SSBP2: variants seen among roughly 807,000 people sequenced by gnomAD.
SSBP2 encodes the protein single-stranded DNA-binding protein 2.
In SSBP2, 17 loss-of-function variants were observed where a neutral mutation model predicts 61.8. That is an observed-to-expected ratio of 0.28 (90% CI 0.19 to 0.41). SSBP2 has a LOEUF of 0.41. Among genes scored for constraint, SSBP2 ranks in the 10% least tolerant of loss-of-function variants. The pLI is 1.00. For synonymous variants in SSBP2, 139 were observed against 141.3 expected (o/e 0.98, Z 0.12); for missense variants, 310 against 458.7 (o/e 0.68, Z 2.96).
intron 4 of SSBP2, among the ~76,000 whole-genome samples, chr5:81,573,029 T>C (rs529898686): frequency 2.6e-5 from 4 of 152,214 alleles, no homozygotes; most frequent in Admixed American, 6.5e-5. Flanking sequence ...TATTGAAATA[T>C]CTTTTGTCTT....
chr5:81,512,146 A>G (rs960796054), intron 5 of SSBP2, among the ~76,000 whole-genome samples: 1 of 152,210 alleles, frequency 6.6e-6, no homozygotes, highest in African/African-American at 2.4e-5. Context: ...AAGAGAAAGA[A>G]GGGAATGAGG....
chr5:81,599,113 T>G (rs985532678), intron 4 of SSBP2, among the ~76,000 whole-genome samples: 1 of 152,152 alleles, frequency 6.6e-6, no homozygotes, highest in Non-Finnish European at 1.5e-5. Context: ...TGGGGATGTA[T>G]AGCAAAAGGA....
At chr5:81,437,363 T>TTA in intron 15 of SSBP2, 67 bp downstream of exon 15, 1 of 1,454,588 alleles carries the variant, frequency 6.9e-7, no homozygotes, top group South Asian at 1.3e-5. Context: ...TTTACTCTAA[T>TTA]AATTTTAATG....
intron 15 of SSBP2, among the ~76,000 whole-genome samples, chr5:81,430,885 T>C (rs1311944106): frequency 6.6e-6 from 1 of 152,188 alleles, no homozygotes; most frequent in Admixed American, 6.5e-5. Context: ...GATAGGACAA[T>C]TGGGTTTTTT....
At chr5:81,560,221 A>T (rs1772938333) in intron 4 of SSBP2, among the ~76,000 whole-genome samples, 1 of 152,202 alleles carries the variant, frequency 6.6e-6, no homozygotes, top group Admixed American at 6.5e-5. Flanking sequence ...TTTACAAAAA[A>T]GATTGTGTTC....
intron 4 of SSBP2, among the ~76,000 whole-genome samples, chr5:81,569,562 T>G (rs901081254): frequency 1.3e-5 from 2 of 152,182 alleles, no homozygotes; most frequent in Non-Finnish European, 2.9e-5. Context: ...CCTCATGCTC[T>G]CCTATGCTGA....
intron 12 of SSBP2, 75 bp from the exon 13 acceptor site, chr5:81,442,798 G>C (rs2153963071): frequency 2.6e-6 from 2 of 781,882 alleles, no homozygotes; most frequent in South Asian, 3.7e-5. Context: ...AATGATCAAA[G>C]ATGGTTTGCA....
intron 6 of SSBP2, among the ~76,000 whole-genome samples, chr5:81,481,371 C>T (rs1451638938): frequency 6.6e-6 from 1 of 152,042 alleles, no homozygotes; most frequent in Non-Finnish European, 1.5e-5. Context: ...CCTGTAATCT[C>T]AACACTTTGG....
chr5:81,445,138 TTATATATATATATATATATA>T lies in SSBP2; in HGVS notation c.778+1710_778+1729del, dbSNP rs1160080305. Among the ~76,000 whole-genome samples, 30 of 33,888 alleles carry T rather than the reference TTATATATATATATATATATA, an allele frequency of 8.9e-4. 2 individuals carry two copies. Among genetic ancestry groups the T allele is most frequent in the Non-Finnish European group, 1.4e-3 (27 of 18,942 alleles). 22.2% of individuals were successfully genotyped at this position (33,888 alleles called of 152,430 possible). A position where few individuals can be genotyped will look rare whatever the true frequency, so the allele number is the denominator to read the frequency against. On this transcript the variant is annotated intron_variant, in intron 12 of 16. Coordinates refer to ENST00000320672, the MANE Select transcript of SSBP2 (RefSeq NM_012446.5). ...TGTCTCAGCAAAGAAAAAAAAAATT[TTATATATATATATATATATA>T]TATATATATATATATATATGTATGT...
chr5:81,691,141 C>G (rs1206775142), intron 1 of SSBP2, among the ~76,000 whole-genome samples: 1 of 151,906 alleles, frequency 6.6e-6, no homozygotes, highest in Non-Finnish European at 1.5e-5. Flanking sequence ...AATAAACAAT[C>G]TAACAATGCA....
intron 2 of SSBP2, among the ~76,000 whole-genome samples, chr5:81,641,157 C>T (rs1435171670): frequency 3.0e-4 from 45 of 152,182 alleles, no homozygotes; most frequent in Non-Finnish European, 2.9e-5. Context: ...ACCCACTGCC[C>T]CTCATCCTTA....
chr5:81,558,592 A>G (rs1772787304), intron 4 of SSBP2, among the ~76,000 whole-genome samples: 2 of 152,254 alleles, frequency 1.3e-5, no homozygotes, highest in Non-Finnish European at 2.9e-5. Flanking sequence ...TGTGTCATCA[A>G]TGCCTCAAGA....
At chr5:81,692,752 G>T (rs142698326) in intron 1 of SSBP2, among the ~76,000 whole-genome samples, 1 of 151,066 alleles carries the variant, frequency 6.6e-6, no homozygotes, top group Admixed American at 6.6e-5. Context: ...GATATACACC[G>T]GAGAAAGGAA....
rs931367715 is a variant in SSBP2, at chr5:81,748,439, T to C, written c.62+2542A>G. Among the ~76,000 whole-genome samples the C allele has an allele frequency of 4.6e-5, 7 of 152,160 alleles. No homozygotes were observed. In the East Asian group the frequency reaches 9.6e-4, roughly 21 times the overall value. On this transcript the variant is annotated intron_variant, in intron 1 of 16. Coordinates refer to ENST00000320672, the MANE Select transcript of SSBP2 (RefSeq NM_012446.5). ...AGTACATTGTTGCAGAATAGTGCCA[T>C]TAAAGTCCCAAGTAAACATAAAGAG...
At chr5:81,634,318 T>A (rs149429982) in intron 3 of SSBP2, among the ~76,000 whole-genome samples, 1 of 152,286 alleles carries the variant, frequency 6.6e-6, no homozygotes, top group African/African-American at 2.4e-5. Flanking sequence ...AATCAGAAAA[T>A]TTTTAAATCT....
chr5:81,665,850 T>C (rs1751078572), intron 1 of SSBP2, among the ~76,000 whole-genome samples: 1 of 152,212 alleles, frequency 6.6e-6, no homozygotes, highest in Non-Finnish European at 1.5e-5. Context: ...TATTCCTGTA[T>C]AATTCCAGTG....
At chr5:81,584,808 T>C (rs968791828) in intron 4 of SSBP2, among the ~76,000 whole-genome samples, 1 of 152,142 alleles carries the variant, frequency 6.6e-6, no homozygotes, top group African/African-American at 2.4e-5. Context: ...ATAAAAATTA[T>C]GTTAAGTATA....
chr5:81,703,412 G>C (rs1258025871), intron 1 of SSBP2, among the ~76,000 whole-genome samples: 1 of 152,070 alleles, frequency 6.6e-6, no homozygotes, highest in Admixed American at 6.6e-5. Context: ...TCGGGCATTG[G>C]AATAGTGATT....
chr5:81,700,552 C>T (rs1460168370), intron 1 of SSBP2, among the ~76,000 whole-genome samples: 1 of 152,188 alleles, frequency 6.6e-6, no homozygotes, highest in African/African-American at 2.4e-5. Context: ...TCCTTTGAAG[C>T]CAGGCATTGG....
Sources: gnomAD v4.1 joint callset for allele counts (sites outside exome capture counted in the v4.1 genomes callset) on GRCh38, gnomAD v4.1.1 for gene constraint, MANE v1.5 for transcripts, NCBI Gene and HGNC (gene_info 2026-07-23, HGNC 2026-07-21) for gene names.